The following WDPCP variants were observed in gnomAD, a reference collection of about 807,000 sequenced individuals.
WDPCP encodes WD repeat containing planar cell polarity effector, also known as WD repeat-containing and planar cell polarity effector protein fritz homolog.
Under a neutral mutation model 93.1 loss-of-function variants are expected in WDPCP, and 71 were observed. The ratio of observed to expected loss-of-function variants is 0.76; its 90% CI spans 0.63 to 0.93. The LOEUF (loss-of-function observed/expected upper bound fraction) is 0.93. Ranked by LOEUF, WDPCP falls within the 40% of genes least tolerant of loss-of-function variation. The pLI, the probability that WDPCP is intolerant of heterozygous loss-of-function variation, is 0.00. For missense variants in WDPCP, 844 were observed against 887.4 expected (o/e 0.95, Z 0.62); for synonymous variants, 315 against 315.0 (o/e 1.00, Z 0.00).
intron 14 of WDPCP, among the ~76,000 whole-genome samples, chr2:63,205,656 T>C (rs1231757895): frequency 1.3e-5 from 2 of 152,250 alleles, no homozygotes; most frequent in Non-Finnish European, 2.9e-5. Flanking sequence ...GAAATGCTAC[T>C]GATTTTTGTA....
intron 3 of WDPCP, among the ~76,000 whole-genome samples, chr2:63,645,429 T>C (rs1236820235): frequency 6.6e-6 from 1 of 152,218 alleles, no homozygotes; most frequent in South Asian, 2.1e-4. Flanking sequence ...TAACATATGG[T>C]TTACCCTTGA....
At chr2:63,692,148 A>G (rs1668899058) in intron 2 of WDPCP, among the ~76,000 whole-genome samples, 2 of 152,150 alleles carry the variant, frequency 1.3e-5, no homozygotes, top group Admixed American at 6.5e-5. Context: ...AGAGCCTTAC[A>G]TTACACAGAG....
chr2:63,558,504 G>A (rs111548618), intron 1 of WDPCP, among the ~76,000 whole-genome samples: 4,890 of 149,240 alleles, frequency 0.033, 140 homozygotes, highest in Non-Finnish European at 0.047. Context: ...ACTCCAGCCT[G>A]GCAACAGAGT....
In WDPCP at chr2:63,643,213, T is replaced by C. The variant is rs75765193; in HGVS notation, n.488+7446A>G. On this transcript the variant is annotated intron_variant and non_coding_transcript_variant, in intron 3 of 4. Coordinates refer to the WDPCP transcript ENST00000467687. ...GATGAATGATCTTTTCTTCATGCTATATTATCTTTAATTAAGTACAAAAAG... is the reference window on the plus strand; with the variant it reads ...GATGAATGATCTTTTCTTCATGCTACATTATCTTTAATTAAGTACAAAAAG... 3.4e-3 allele frequency: 757 copies of C among 220,980 alleles called. 8 individuals are homozygous for C. Among genetic ancestry groups the C allele is most frequent in the African/African-American group, 0.017 (734 of 42,566 alleles). The allele number at this position is 220,980 out of a possible 1,614,324, so 13.7% of individuals were successfully genotyped here.
At chr2:63,606,616 T>C (rs1373167416) in intron 3 of WDPCP, among the ~76,000 whole-genome samples, 4 of 152,178 alleles carry the variant, frequency 2.6e-5, no homozygotes. Flanking sequence ...TTCAGTGTTG[T>C]TGTTCTTTAT....
intron 6 of WDPCP, chr2:63,443,280 G>A (rs931976326): frequency 1.1e-4 from 16 of 152,108 alleles, no homozygotes; most frequent in Admixed American, 7.2e-4. Flanking sequence ...TTAATATAAT[G>A]TACAATAGCA....
In WDPCP at chr2:63,691,073, A is replaced by T. The variant is rs150352522; in HGVS notation, n.309-40235T>A. Among the ~76,000 whole-genome samples, 60 of 152,354 alleles carry T rather than the reference A, an allele frequency of 3.9e-4. No individual in the cohort carries two copies. In the East Asian group the frequency reaches 0.011, roughly 27 times the overall value. On this transcript the variant is annotated intron_variant and non_coding_transcript_variant, in intron 2 of 4. Transcript: ENST00000467687. The stretch of plus-strand genomic sequence containing the variant: ...TATTTATCTGGATCTGTTATAAGCA[A>T]CAATAACATCAATGATAGCATTTTT...
At chr2:63,322,147 T>C (rs1013698561) in intron 12 of WDPCP, among the ~76,000 whole-genome samples, 1 of 152,146 alleles carries the variant, frequency 6.6e-6, no homozygotes, top group Admixed American at 6.5e-5. Flanking sequence ...TCTGTCTAGC[T>C]AAAGGATTGT....
chr2:63,809,057 G>C (rs947720504), intron 2 of WDPCP, among the ~76,000 whole-genome samples: 1 of 150,248 alleles, frequency 6.7e-6, no homozygotes, highest in Non-Finnish European at 1.5e-5. Flanking sequence ...GGTGAGGAGC[G>C]TCTCTGACCG....
rs556249322 is a variant in WDPCP at position 63,682,646 on chromosome 2, T to G, written n.309-31808A>C. ...ATTCAAATGGATAATAACAGAGAACTTTCTAAACCTAGAGAAAGATATAAA... is the reference window on the plus strand; with the variant it reads ...ATTCAAATGGATAATAACAGAGAACGTTCTAAACCTAGAGAAAGATATAAA... On this transcript the variant is annotated intron_variant and non_coding_transcript_variant, in intron 2 of 4. Transcript: ENST00000467687. Among the ~76,000 whole-genome samples, 111 of 152,126 alleles carry G rather than the reference T, an allele frequency of 7.3e-4. 1 individual carries two copies. Among genetic ancestry groups the G allele is most frequent in the African/African-American group, 2.6e-3 (110 of 41,524 alleles).
chr2:63,134,649 A>G (rs1670498283), intron 17 of WDPCP, among the ~76,000 whole-genome samples: 1 of 152,238 alleles, frequency 6.6e-6, no homozygotes, highest in Non-Finnish European at 1.5e-5. Flanking sequence ...TGTAAAATTC[A>G]CATATGCAAA....
At chr2:63,812,872 A>T (rs1330882112) in intron 2 of WDPCP, among the ~76,000 whole-genome samples, 1 of 152,120 alleles carries the variant, frequency 6.6e-6, no homozygotes, top group Non-Finnish European at 1.5e-5. Flanking sequence ...TTTTAGAAAA[A>T]AAATCACTTT....
At chr2:63,550,192 AACAC>A (rs56155473) in intron 1 of WDPCP, among the ~76,000 whole-genome samples, 1,753 of 44,266 alleles carry the variant, frequency 0.04, 18 homozygotes, top group South Asian at 0.092. Context: ...CATCTTAAGA[AACAC>A]ACACACACAC....
intron 1 of WDPCP, chr2:63,518,873 C>T (rs1286224723): frequency 2.0e-5 from 3 of 152,434 alleles, no homozygotes; most frequent in Admixed American, 2.0e-4. Context: ...GAGCGGCCCC[C>T]ACAAATGCAC....
At chr2:63,237,807 G>A (rs1850984) in intron 14 of WDPCP, among the ~76,000 whole-genome samples, 24,105 of 151,982 alleles carry the variant, frequency 0.16, 2,285 homozygotes, top group Middle Eastern at 0.23. Context: ...TATGGGAACA[G>A]CACACACTGG....
intron 14 of WDPCP, among the ~76,000 whole-genome samples, chr2:63,200,404 A>G (rs1000465399): frequency 2.0e-5 from 3 of 152,164 alleles, no homozygotes; most frequent in African/African-American, 7.2e-5. Flanking sequence ...GTTTGTTGCA[A>G]TGTTGTTCAC....
At position 63,737,498 on chromosome 2, in the gene WDPCP, G is replaced by A. The variant is rs78150443; in HGVS notation, n.308+76124C>T. ...ATTAGTCCTCCTTGCTGGGCTAGAAGCAACCTGAGTGGCAGACATCATGTG... is the reference window on the plus strand; with the variant it reads ...ATTAGTCCTCCTTGCTGGGCTAGAAACAACCTGAGTGGCAGACATCATGTG... On this transcript the variant is annotated intron_variant and non_coding_transcript_variant, in intron 2 of 4. Coordinates refer to the WDPCP transcript ENST00000467687. Among the ~76,000 whole-genome samples, 237 of 152,286 alleles carry A rather than the reference G, an allele frequency of 1.6e-3. 6 individuals are homozygous for A. In the East Asian group the frequency reaches 0.041, roughly 27 times the overall value.
intron 2 of WDPCP, among the ~76,000 whole-genome samples, chr2:63,683,869 G>T (rs1319503213): frequency 6.6e-6 from 1 of 151,546 alleles, no homozygotes. Flanking sequence ...AAAAGAACAG[G>T]CAAAGAAGGT....
the WDPCP span, among the ~76,000 whole-genome samples, chr2:63,839,302 G>A: frequency 3.3e-5 from 5 of 152,244 alleles, no homozygotes; most frequent in South Asian, 2.1e-4. Context: ...GCTCACGCCT[G>A]TAATCCCAGC....
Sources: gnomAD v4.1 joint callset for allele counts (sites outside exome capture counted in the v4.1 genomes callset) on GRCh38, gnomAD v4.1.1 for gene constraint, MANE v1.5 for transcripts, NCBI Gene and HGNC (gene_info 2026-07-23, HGNC 2026-07-21) for gene names.